The following PXK variants were observed in gnomAD, a reference collection of about 807,000 sequenced individuals.
PXK encodes the protein PX domain containing serine/threonine kinase like, also known as PX domain-containing protein kinase-like protein.
A neutral mutation model predicts 84.7 loss-of-function variants in PXK; 35 were observed. That is an observed-to-expected ratio of 0.41 (90% CI 0.32 to 0.55). PXK has a LOEUF of 0.55. PXK is among the 20% of genes least tolerant of loss of function. The pLI, the probability that PXK is intolerant of heterozygous loss-of-function variation, is 0.21. For missense variants in PXK, 634 were observed against 699.7 expected, an observed-to-expected ratio of 0.91 and a Z score of 1.06; for synonymous variants, 253 against 260.8, an observed-to-expected ratio of 0.97 and a Z score of 0.29.
rs538375235 is a variant in PXK at position 58,409,158 on chromosome 3, C to G, written c.1308+157C>G. On this transcript the variant is annotated intron_variant, in intron 14 of 17. Transcript: ENST00000356151. The surrounding 1 kb of genome is among the most constrained non-coding windows in gnomAD (Gnocchi z 4.2). ...AAATGCTTCCCTGCAGAGCTGAATA[C>G]TTGACAGTCCTGCCCTCAGTCCTGC... Among the ~76,000 whole-genome samples, 14 of 152,198 alleles carry G rather than the reference C, an allele frequency of 9.2e-5. No homozygotes were observed. The highest frequency in any genetic ancestry group is 8.5e-4 in the Admixed American group (13 of 15,284).
At chr3:58,396,317 T>A (rs2057672255) in intron 9 of PXK, among the ~76,000 whole-genome samples, 1 of 152,086 alleles carries the variant, frequency 6.6e-6, no homozygotes, top group South Asian at 2.1e-4. Flanking sequence ...GACAGCATAC[T>A]AGTAATATAT....
intron 1 of PXK, among the ~76,000 whole-genome samples, chr3:58,340,140 A>G (rs1482213335): frequency 3.5e-5 from 5 of 141,836 alleles, no homozygotes; most frequent in Admixed American, 3.5e-4. Context: ...TTTTTTTTTA[A>G]GACAGGGTCT....
At position 58,379,010 on chromosome 3, in the gene PXK, C is replaced by T. The variant is rs2108726864; in HGVS notation, c.202-3504C>T. Reference sequence around the variant, plus strand: ...CAATCTTGGCTTACTGCAGCCTCCGCCTCCTGGGTTCAAGCAATTCTCCTG... The same window carrying T: ...CAATCTTGGCTTACTGCAGCCTCCGTCTCCTGGGTTCAAGCAATTCTCCTG... On this transcript the variant is annotated intron_variant, in intron 3 of 17. Coordinates refer to ENST00000356151, the MANE Select transcript of PXK (RefSeq NM_017771.5). The surrounding 1 kb of genome is among the most constrained non-coding windows in gnomAD (Gnocchi z 5.1). 6.6e-6 allele frequency among the ~76,000 whole-genome samples: 1 copy of T among 151,704 alleles called. No homozygotes were observed. The highest frequency in any genetic ancestry group is 2.0e-4 in the East Asian group (1 of 5,124).
chr3:58,366,538 T>C (rs532003744), intron 2 of PXK, among the ~76,000 whole-genome samples: 4 of 152,116 alleles, frequency 2.6e-5, no homozygotes, highest in Non-Finnish European at 5.9e-5. Flanking sequence ...TTTTAGTAAT[T>C]ATAATTACCA....
chr3:58,409,753 CTG>C lies in PXK; in HGVS notation c.1395+136_1395+137del. 3 of 712,738 alleles carry C rather than the reference CTG, an allele frequency of 4.2e-6. No homozygotes were observed. The highest frequency in any genetic ancestry group is 4.3e-5 in the South Asian group (2 of 47,046). The allele number at this position is 712,738 out of a possible 1,614,324, so 44.2% of individuals were successfully genotyped here. On this transcript the variant is annotated intron_variant, in intron 15 of 17. Transcript: ENST00000356151. The surrounding 1 kb of genome is among the most constrained non-coding windows in gnomAD (Gnocchi z 4.2). Reference sequence around the variant, plus strand: ...GAAAGCTAAGACTATTTCCAGATGACTGGGGTGCAGTTTTTTTGGGGAAAAAA... The same window carrying C: ...GAAAGCTAAGACTATTTCCAGATGACGGGTGCAGTTTTTTTGGGGAAAAAA...
At chr3:58,420,316 G>A (rs140418534) in intron 17 of PXK, among the ~76,000 whole-genome samples, 1 of 152,192 alleles carries the variant, frequency 6.6e-6, no homozygotes, top group African/African-American at 2.4e-5. Flanking sequence ...CGACTCATTG[G>A]TTATTCTATA....
In PXK at chr3:58,411,431, G is replaced by C. The variant is rs1010563218; in HGVS notation, c.1465+1272G>C. On this transcript the variant is annotated intron_variant, in intron 16 of 17. Transcript: ENST00000356151. This position sits in a 1 kb window ranked among gnomAD's most constrained non-coding sequence, Gnocchi z 4.2. ...AATGAGGACCAGCGCAGGCTCCTTGGGGGTGAATGCTGTTGTGGCTGGTGG... is the reference window on the plus strand; with the variant it reads ...AATGAGGACCAGCGCAGGCTCCTTGCGGGTGAATGCTGTTGTGGCTGGTGG... 1.3e-5 allele frequency among the ~76,000 whole-genome samples: 2 copies of C among 152,204 alleles called. No individual in the cohort carries two copies. Among genetic ancestry groups the C allele is most frequent in the African/African-American group, 2.4e-5 (1 of 41,462 alleles).
intron 17 of PXK, among the ~76,000 whole-genome samples, chr3:58,418,601 TTC>T (rs1477305523): frequency 2.4e-5 from 2 of 84,674 alleles, no homozygotes; most frequent in African/African-American, 7.7e-5. Flanking sequence ...GACAAATAAT[TTC>T]TGTTCTTTGA....
chr3:58,361,808 G>A (rs1159306212), intron 1 of PXK, among the ~76,000 whole-genome samples: 5 of 152,122 alleles, frequency 3.3e-5, no homozygotes, highest in Non-Finnish European at 2.9e-5. Context: ...ATGAACATTT[G>A]TGTATAAATT....
chr3:58,420,181 C>G (rs1405980621), intron 17 of PXK, among the ~76,000 whole-genome samples: 1 of 152,242 alleles, frequency 6.6e-6, no homozygotes, highest in African/African-American at 2.4e-5. Flanking sequence ...TTCTGCTCTT[C>G]AGAGGTAAAA....
intron 4 of PXK, among the ~76,000 whole-genome samples, chr3:58,389,233 C>T (rs1432852610): frequency 6.6e-6 from 1 of 152,076 alleles, no homozygotes; most frequent in Non-Finnish European, 1.5e-5. Context: ...TGTTGCTGTA[C>T]ACTGGCTTTT....
At chr3:58,347,118 GTT>G (rs2097839568) in intron 1 of PXK, among the ~76,000 whole-genome samples, 1 of 152,184 alleles carries the variant, frequency 6.6e-6, no homozygotes, top group Non-Finnish European at 1.5e-5. Flanking sequence ...TGGGATTACA[GTT>G]GTGAGCTACC....
intron 16 of PXK, 24 bp downstream of exon 16, chr3:58,410,183 G>A (rs766032324): frequency 1.3e-6 from 2 of 1,523,464 alleles, no homozygotes; most frequent in Non-Finnish European, 1.8e-6. Context: ...GATGGTAGTG[G>A]GGCCCAGGAC....
At position 58,383,886 on chromosome 3, in the gene PXK, T is replaced by C. The variant is rs1560010140; in HGVS notation, c.388+1186T>C. On this transcript the variant is annotated intron_variant, in intron 4 of 17. Coordinates refer to ENST00000356151, the MANE Select transcript of PXK (RefSeq NM_017771.5). The surrounding 1 kb of genome is among the most constrained non-coding windows in gnomAD (Gnocchi z 4.0). ...TTTGAAGTAATTAGAGAGAGGCATT[T>C]TTATTCCTATTTTATTCCTTTTATT... 6.6e-6 allele frequency among the ~76,000 whole-genome samples: 1 copy of C among 152,208 alleles called. No homozygotes were observed. Among genetic ancestry groups the C allele is most frequent in the South Asian group, 2.1e-4 (1 of 4,834 alleles).
In PXK at chr3:58,403,909, A is replaced by C; in HGVS notation, c.1229A>C (p.Lys410Thr). Residue 410 changes from lysine (K) to threonine (T), a missense_variant and splice_region_variant, in exon 13 of 18, where the codon AAG becomes ACG. Lys to Thr is a moderately conservative substitution (Grantham distance 78, BLOSUM62 -1). Transcript: ENST00000356151. ...LLTTSEKPQF[K>T]IPTKLKEALR... ...ACCACTTCTGAAAAACCACAGTTTA[A>C]GGTAAAGACAATTATATCGTTTTTT... 1 of 1,521,936 alleles carries C rather than the reference A, an allele frequency of 6.6e-7. No individual in the cohort carries two copies. The highest frequency in any genetic ancestry group is 8.9e-7 in the Non-Finnish European group (1 of 1,120,360). 94.3% of individuals were successfully genotyped at this position (1,521,936 alleles called of 1,614,324 possible).
chr3:58,387,564 G>T (rs2098565654), intron 4 of PXK, among the ~76,000 whole-genome samples: 1 of 152,112 alleles, frequency 6.6e-6, no homozygotes, highest in African/African-American at 2.4e-5. Context: ...GTTGAAGGAA[G>T]GCTTCCCAGA....
intron 1 of PXK, among the ~76,000 whole-genome samples, chr3:58,347,243 C>T (rs1283478461): frequency 6.6e-6 from 1 of 152,196 alleles, no homozygotes; most frequent in Non-Finnish European, 1.5e-5. Flanking sequence ...CTGTTTCTCT[C>T]TTTCTGGTCA....
chr3:58,375,100 C>T (rs887596011), intron 3 of PXK, among the ~76,000 whole-genome samples: 1 of 152,078 alleles, frequency 6.6e-6, no homozygotes, highest in Non-Finnish European at 1.5e-5. Context: ...CCACAAAGTT[C>T]AAAACAGATA....
At chr3:58,418,407 T>G (rs961447032) in intron 17 of PXK, among the ~76,000 whole-genome samples, 3 of 151,914 alleles carry the variant, frequency 2.0e-5, no homozygotes, top group Non-Finnish European at 4.4e-5. Flanking sequence ...GAGCCAGGAG[T>G]GTAACTTGTT....
Sources: gnomAD v4.1 joint callset for allele counts (sites outside exome capture counted in the v4.1 genomes callset) on GRCh38, gnomAD v4.1.1 for gene constraint, Gnocchi (gnomAD v3.1) non-coding constraint, MANE v1.5 for transcripts, NCBI Gene and HGNC (gene_info 2026-07-23, HGNC 2026-07-21) for gene names.